The following PCDHGA3 variants were observed in gnomAD, a reference collection of about 807,000 sequenced individuals.
The protein encoded by PCDHGA3 is protocadherin gamma subfamily A, 3, also known as protocadherin gamma-A3.
A neutral mutation model predicts 58.5 loss-of-function variants in PCDHGA3; 40 were observed. The observed-to-expected ratio is 0.68, with a 90% CI of 0.53 to 0.89. The LOEUF (loss-of-function observed/expected upper bound fraction) is 0.89. PCDHGA3 is among the 40% of genes least tolerant of loss of function. The pLI is 0.00. For synonymous variants in PCDHGA3, 530 were observed against 525.7 expected (o/e 1.01, Z -0.11); for missense variants, 1,223 against 1,195.9 (o/e 1.02, Z -0.33).
intron 1 of PCDHGA3, chr5:141,419,367 C>T (rs1157934416): frequency 6.2e-7 from 1 of 1,613,652 alleles, no homozygotes; most frequent in Admixed American, 1.7e-5. Context: ...ACGCTGTCGT[C>T]CTACGTGTCC....
chr5:141,401,655 A>G (rs1011518295), intron 1 of PCDHGA3, among the ~76,000 whole-genome samples: 2 of 152,232 alleles, frequency 1.3e-5, no homozygotes, highest in South Asian at 2.1e-4. Context: ...AAATGACTGG[A>G]TGTTTTCTCA....
chr5:141,453,333 A>T (rs181261279), intron 1 of PCDHGA3, among the ~76,000 whole-genome samples: 3 of 151,914 alleles, frequency 2.0e-5, no homozygotes, highest in Admixed American at 1.3e-4. Context: ...GGGTCTCACT[A>T]TGTTTCCCCA....
intron 1 of PCDHGA3, chr5:141,357,596 A>AAACAAAAGG: frequency 6.2e-7 from 1 of 1,614,148 alleles, no homozygotes; most frequent in Non-Finnish European, 8.5e-7. Context: ...GATTTACTTG[A>AAACAAAAGG]AACAAAAGGA....
At chr5:141,500,947 C>T (rs933082173) in intron 2 of PCDHGA3, among the ~76,000 whole-genome samples, 15 of 151,822 alleles carry the variant, frequency 9.9e-5, no homozygotes, top group African/African-American at 3.6e-4. Context: ...CGGCTCACTG[C>T]AAGCTCCACC....
At chr5:141,384,991 G>A in intron 1 of PCDHGA3, 2 of 1,614,124 alleles carry the variant, frequency 1.2e-6, no homozygotes, top group Non-Finnish European at 1.7e-6. Context: ...GGTGGCGGTG[G>A]CCACAGTCTC....
chr5:141,505,326 G>A, intron 2 of PCDHGA3, 67 bp from the exon 3 acceptor site: 2 of 1,607,648 alleles, frequency 1.2e-6, no homozygotes, highest in East Asian at 2.2e-5. Context: ...AGCCCTGGGA[G>A]AGGACAGGAG....
chr5:141,495,449 GCT>G (rs560850951), intron 2 of PCDHGA3, among the ~76,000 whole-genome samples: 3 of 152,194 alleles, frequency 2.0e-5, no homozygotes, highest in Non-Finnish European at 2.9e-5. Flanking sequence ...TACTTGTCCT[GCT>G]CTCTGTCTGT....
intron 1 of PCDHGA3, chr5:141,372,274 G>A (rs767978142): frequency 6.2e-7 from 1 of 1,613,078 alleles, no homozygotes; most frequent in East Asian, 2.2e-5. Flanking sequence ...GGTGAGGTGC[G>A]CACGGCGCGT....
rs117560542 is a variant in PCDHGA3 at position 141,375,655 on chromosome 5, G to A, written c.2424+29198G>A. ...CCCTGCGCTCCTTCGACTATGAGCA[G>A]TTGAGAGACCTACAGCTGTGGGTGA... is the stretch of plus-strand genomic sequence containing the variant. On this transcript the variant is annotated intron_variant, in intron 1 of 3. Transcript: ENST00000253812. 2.4e-4 allele frequency: 382 copies of A among 1,614,246 alleles called. 5 individuals are homozygous for A. The East Asian group carries it at 8.3e-3, about 35-fold the overall frequency.
At chr5:141,381,826 C>CTTCTTTTTTTTTTTTTTT (rs1777532522) in intron 1 of PCDHGA3, among the ~76,000 whole-genome samples, 1 of 74,284 alleles carries the variant, frequency 1.3e-5, no homozygotes, top group African/African-American at 6.2e-5. Flanking sequence ...CTTTCTTCTT[C>CTTCTTTTTTTTTTTTTTT]TTTTTTTTTT....
At chr5:141,362,365 A>G in intron 1 of PCDHGA3, 4 of 1,614,014 alleles carry the variant, frequency 2.5e-6, no homozygotes, top group South Asian at 1.1e-5. Context: ...CCCCAATTAC[A>G]GTGAGGGTAC....
At chr5:141,427,153 T>C (rs2096993361) in intron 1 of PCDHGA3, 1 of 456,886 alleles carries the variant, frequency 2.2e-6, no homozygotes, top group Non-Finnish European at 4.4e-6. Context: ...GGAAATATGT[T>C]TGTGCTAGAC....
At chr5:141,384,969 G>A (rs996601457) in intron 1 of PCDHGA3, 5 of 1,614,014 alleles carry the variant, frequency 3.1e-6, no homozygotes, top group African/African-American at 2.7e-5. Context: ...ATGACCTCAC[G>A]TTGTACCTGG....
At chr5:141,366,944 T>C in intron 1 of PCDHGA3, 1 of 777,882 alleles carries the variant, frequency 1.3e-6, no homozygotes, top group South Asian at 2.1e-5. Flanking sequence ...GTCTAGCTGA[T>C]ATCTGTAGAC....
chr5:141,371,622 C>G (rs1198446488), intron 1 of PCDHGA3: 1 of 1,613,888 alleles, frequency 6.2e-7, no homozygotes, highest in African/African-American at 1.3e-5. Flanking sequence ...AGATGGAGCC[C>G]TGGACCGGGA....
chr5:141,491,414 G>C lies in PCDHGA3; in HGVS notation c.2425-3393G>C, dbSNP rs137987971. 35 of 1,614,008 alleles carry C rather than the reference G, an allele frequency of 2.2e-5. No homozygotes were observed. Among genetic ancestry groups the C allele is most frequent in the African/African-American group, 1.3e-4 (10 of 74,910 alleles). On this transcript the variant is annotated intron_variant, in intron 1 of 3. Coordinates refer to ENST00000253812, the MANE Select transcript of PCDHGA3 (RefSeq NM_018916.4). The surrounding 1 kb of genome is among the most constrained non-coding windows in gnomAD (Gnocchi z 6.9). ...CTTCAGGGAAACGCAGACGGGGACG[G>C]GGGTGGAGGGCAGTGCTGCAGGCGC...
In PCDHGA3 at chr5:141,344,668, T is replaced by C; in HGVS notation, c.635T>C (p.Leu212Pro). The change falls in exon 1 of 4, where the codon CTG (leucine) becomes CCG (proline). Residue 212 changes from leucine (L) to proline (P), a missense_variant. Around this residue, in one of 3 missense-constraint regions of PCDHGA3, gnomAD observed 791 missense variants for 708.5 expected, o/e 1.12. Transcript: ENST00000253812. Reference protein sequence around the residue: ...REKKEIHQLVLVASDGGDPVH... With the variant: ...REKKEIHQLVPVASDGGDPVH... ...AAAAAAGAAATTCACCAGCTTGTCCTGGTTGCCTCTGATGGTGGCGACCCT... is the reference window on the plus strand; with the variant it reads ...AAAAAAGAAATTCACCAGCTTGTCCCGGTTGCCTCTGATGGTGGCGACCCT... 5 of 1,614,008 alleles carry C rather than the reference T, an allele frequency of 3.1e-6. No individual in the cohort carries two copies. The highest frequency in any genetic ancestry group is 4.2e-6 in the Non-Finnish European group (5 of 1,179,902).
At chr5:141,357,095 T>A in intron 1 of PCDHGA3, 1 of 1,613,868 alleles carries the variant, frequency 6.2e-7, no homozygotes, top group African/African-American at 1.3e-5. Context: ...GCACGGGCCC[T>A]GCTGGACAGA....
chr5:141,428,168 C>A, intron 1 of PCDHGA3: 1 of 1,551,608 alleles, frequency 6.4e-7, no homozygotes, highest in Non-Finnish European at 8.8e-7. Context: ...GGTTGCTGTG[C>A]GTGACGGAGG....
Sources: gnomAD v4.1 joint callset for allele counts (sites outside exome capture counted in the v4.1 genomes callset) on GRCh38, gnomAD v4.1.1 for gene constraint, gnomAD v4.1.1 regional missense constraint, Gnocchi (gnomAD v3.1) non-coding constraint, MANE v1.5 for transcripts, NCBI Gene and HGNC (gene_info 2026-07-23, HGNC 2026-07-21) for gene names.